The following THRB variants were observed in gnomAD, a reference collection of about 807,000 sequenced individuals.
THRB encodes thyroid hormone receptor beta.
THRB carries 12 observed loss-of-function variants against 47.8 expected under a neutral mutation model. The ratio of observed to expected loss-of-function variants is 0.25; its 90% CI spans 0.16 to 0.41. THRB has a LOEUF of 0.41. Among genes scored for constraint, THRB ranks in the 10% least tolerant of loss-of-function variants. The pLI is 1.00. For missense variants in THRB, 348 were observed against 589.2 expected, an observed-to-expected ratio of 0.59 and a Z score of 4.24; for synonymous variants, 218 against 212.2, an observed-to-expected ratio of 1.03 and a Z score of -0.24.
intron 1 of THRB, among the ~76,000 whole-genome samples, chr3:24,427,181 T>C (rs1032644440): frequency 6.6e-6 from 1 of 151,898 alleles, no homozygotes; most frequent in African/African-American, 2.4e-5. Flanking sequence ...CCTTCCCTAA[T>C]CAGAAGGCTG....
rs537081146 is a variant in THRB at position 24,186,041 on chromosome 3, C to T, written c.283+4033G>A. On this transcript the variant is annotated intron_variant, in intron 5 of 10. Coordinates refer to ENST00000646209, the MANE Select transcript of THRB (RefSeq NM_001354712.2). ...AGAATGGAGGGACTCAAGTGGCTCC[C>T]CACGTGCAGTCAGGGAAGGGAAGAA... 3.9e-5 allele frequency among the ~76,000 whole-genome samples: 6 copies of T among 152,278 alleles called. No homozygotes were observed. In the South Asian group the frequency reaches 1.0e-3, roughly 26 times the overall value.
chr3:24,469,204 C>T (rs2074377523), intron 1 of THRB, among the ~76,000 whole-genome samples: 1 of 152,228 alleles, frequency 6.6e-6, no homozygotes, highest in South Asian at 2.1e-4. Context: ...TTCCCTGCCT[C>T]TTTAATTGCC....
rs530311452 is a variant in THRB, at chr3:24,339,300, G to A, written c.-260-1929C>T. On this transcript the variant is annotated intron_variant, in intron 1 of 10. Transcript: ENST00000646209. ...CAGCATTTATTAAACACACATTATG[G>A]ACTGGGTTGTTCTAATTATTTTGTC... Among the ~76,000 whole-genome samples, 41 of 152,184 alleles carry A rather than the reference G, an allele frequency of 2.7e-4. No homozygotes were observed. The East Asian group carries it at 6.8e-3, about 25-fold the overall frequency.
At chr3:24,436,147 G>A (rs1312850268) in intron 1 of THRB, among the ~76,000 whole-genome samples, 1 of 151,968 alleles carries the variant, frequency 6.6e-6, no homozygotes, top group South Asian at 2.1e-4. Flanking sequence ...ATATATCTGG[G>A]GGCAAGTGCA....
chr3:24,128,863 C>CTTTTTTT lies in THRB; in HGVS notation c.886-1113_886-1107dup, dbSNP rs57890674. On this transcript the variant is annotated intron_variant, in intron 9 of 10. Coordinates refer to ENST00000646209, the MANE Select transcript of THRB (RefSeq NM_001354712.2). ...GCCAAGAGAAGAAGGAAACATAACT[C>CTTTTTTT]TTTTTTTTTTTTTTTTTTTTTTTTT... Among the ~76,000 whole-genome samples, 81 of 87,052 alleles carry CTTTTTTT rather than the reference C, an allele frequency of 9.3e-4. 8 individuals are homozygous for CTTTTTTT. The East Asian group carries it at 0.026, about 28-fold the overall frequency. The allele number at this position is 87,052 out of a possible 152,430, so 57.1% of individuals were successfully genotyped here.
intron 1 of THRB, among the ~76,000 whole-genome samples, chr3:24,365,482 C>A (rs1192442345): frequency 6.6e-6 from 1 of 152,164 alleles, no homozygotes; most frequent in Non-Finnish European, 1.5e-5. Context: ...GGTCCCCGGG[C>A]AGTTCAATCT....
At chr3:24,401,944 G>C (rs1272221900) in intron 1 of THRB, among the ~76,000 whole-genome samples, 1 of 152,048 alleles carries the variant, frequency 6.6e-6, no homozygotes, top group Admixed American at 6.6e-5. Context: ...AAGAGGGCTG[G>C]GAGAGAACTG....
intron 10 of THRB, among the ~76,000 whole-genome samples, chr3:24,123,337 T>C (rs1056595968): frequency 6.6e-6 from 1 of 152,212 alleles, no homozygotes; most frequent in Admixed American, 6.5e-5. Flanking sequence ...TTTGTTCAGA[T>C]AAATATCTCT....
chr3:24,465,210 A>T (rs1427137418), intron 1 of THRB, among the ~76,000 whole-genome samples: 1 of 152,014 alleles, frequency 6.6e-6, no homozygotes, highest in African/African-American at 2.4e-5. Context: ...CTAGTATGGG[A>T]TTTTGGGTCG....
intron 5 of THRB, among the ~76,000 whole-genome samples, chr3:24,161,280 A>G (rs762950174): frequency 4.2e-4 from 64 of 152,356 alleles, no homozygotes; most frequent in Non-Finnish European, 6.8e-4. Context: ...TAAGTTACAT[A>G]CGCATTGTTG....
chr3:24,241,522 GCCTCTTGT>G, intron 3 of THRB, among the ~76,000 whole-genome samples: 1 of 152,150 alleles, frequency 6.6e-6, no homozygotes, highest in Non-Finnish European at 1.5e-5. Context: ...CTATTCTTGT[GCCTCTTGT>G]CACCCTTCCT....
At chr3:24,488,639 T>C (rs1015660451) in intron 1 of THRB, among the ~76,000 whole-genome samples, 5 of 152,120 alleles carry the variant, frequency 3.3e-5, no homozygotes, top group African/African-American at 9.7e-5. Context: ...TGTCCATTGT[T>C]CAGTAATTTT....
At chr3:24,231,693 A>C (rs1375816) in intron 3 of THRB, among the ~76,000 whole-genome samples, 9,639 of 152,132 alleles carry the variant, frequency 0.063, 568 homozygotes, top group African/African-American at 0.16. Flanking sequence ...TCCCCCAGGG[A>C]AGGCAGGTGT....
intron 1 of THRB, among the ~76,000 whole-genome samples, chr3:24,451,388 C>A (rs1044063840): frequency 2.6e-5 from 4 of 152,082 alleles, no homozygotes; most frequent in African/African-American, 9.7e-5. Context: ...TGCCTGCCAC[C>A]ATGCCTAGCT....
At chr3:24,127,428 A>T in intron 10 of THRB, 71 bp downstream of exon 10, 1 of 1,539,936 alleles carries the variant, frequency 6.5e-7, no homozygotes, top group East Asian at 2.3e-5. Context: ...CTGAAAACTC[A>T]AGTGATTGGA....
chr3:24,490,327 C>T (rs748464855), intron 1 of THRB, among the ~76,000 whole-genome samples: 43 of 152,210 alleles, frequency 2.8e-4, no homozygotes, highest in Non-Finnish European at 5.9e-4. Context: ...GCAAAACAGA[C>T]AGCTGTGATC....
intron 1 of THRB, among the ~76,000 whole-genome samples, chr3:24,453,968 C>T (rs2072924302): frequency 6.6e-6 from 1 of 152,120 alleles, no homozygotes; most frequent in African/African-American, 2.4e-5. Context: ...CTAAAATAAC[C>T]TCTGTATTAT....
chr3:24,254,873 A>T (rs1331848706), intron 3 of THRB, among the ~76,000 whole-genome samples: 4 of 152,228 alleles, frequency 2.6e-5, no homozygotes, highest in Non-Finnish European at 4.4e-5. Flanking sequence ...GTAGAATCAC[A>T]TTGAGGAAGA....
chr3:24,322,364 G>A (rs2058541793), intron 2 of THRB, among the ~76,000 whole-genome samples: 2 of 152,128 alleles, frequency 1.3e-5, no homozygotes. Context: ...TAAAGTTCCT[G>A]GGAAAAGTAG....
Sources: gnomAD v4.1 joint callset for allele counts (sites outside exome capture counted in the v4.1 genomes callset) on GRCh38, gnomAD v4.1.1 for gene constraint, MANE v1.5 for transcripts, NCBI Gene and HGNC (gene_info 2026-07-23, HGNC 2026-07-21) for gene names.